The following NICN1 variants were observed in gnomAD, a reference collection of about 807,000 sequenced individuals.
NICN1 encodes nicolin 1, tubulin polyglutamylase complex subunit.
A neutral mutation model predicts 26.3 loss-of-function variants in NICN1; 18 were observed. That is an observed-to-expected ratio of 0.68 (90% CI 0.47 to 1.01). The LOEUF (loss-of-function observed/expected upper bound fraction) is 1.01. Among genes scored for constraint, NICN1 ranks in the 50% least tolerant of loss-of-function variants. The pLI, the probability that NICN1 is intolerant of heterozygous loss-of-function variation, is 0.00. For synonymous variants in NICN1, 109 were observed against 111.0 expected (o/e 0.98, Z 0.11); for missense variants, 239 against 278.3 (o/e 0.86, Z 1.00).
intron 3 of NICN1, 21 bp downstream of exon 3, chr3:49,425,862 G>A: frequency 7.4e-7 from 1 of 1,351,796 alleles, no homozygotes; most frequent in East Asian, 2.3e-5. Flanking sequence ...GGGCCAGCCA[G>A]CAGCTGAGCT....
At position 49,422,622 on chromosome 3, in the gene NICN1, C is replaced by T. The variant is rs892644956; in HGVS notation, c.*2211G>A. 1.6e-5 allele frequency: 12 copies of T among 749,820 alleles called. No homozygotes were observed. Among genetic ancestry groups the T allele is most frequent in the Middle Eastern group, 3.5e-4 (1 of 2,858 alleles). The allele number at this position is 749,820 out of a possible 1,614,324, so 46.4% of individuals were successfully genotyped here. A position where few individuals can be genotyped will look rare whatever the true frequency, so the allele number is the denominator to read the frequency against. On this transcript the variant is annotated 3_prime_UTR_variant, in exon 6 of 6. Transcript: ENST00000273598. The stretch of plus-strand genomic sequence containing the variant: ...GGATTTAGAGCAGAGAATGCAGGAA[C>T]CCGCAACCACAGGGAAGAAGCCTCC...
Position 49,423,846 on chromosome 3 carries a change from C to CT in NICN1, c.*986dup, listed in dbSNP as rs372822007. 3.8e-4 allele frequency: 56 copies of CT among 147,924 alleles called. No homozygotes were observed. The highest frequency in any genetic ancestry group is 5.7e-4 in the Non-Finnish European group (38 of 66,520). The allele number at this position is 147,924 out of a possible 1,614,324, so 9.2% of individuals were successfully genotyped here. A position where few individuals can be genotyped will look rare whatever the true frequency, so the allele number is the denominator to read the frequency against. ...GTCAGATGGCAGAAGGGTCCCAGTT[C>CT]TTTTTTTTTTGTTTGTTTGTTTAAG... On this transcript the variant is annotated 3_prime_UTR_variant, in exon 6 of 6. Transcript: ENST00000273598.
chr3:49,425,890 C>T lies in NICN1; in HGVS notation c.416G>A (p.Gly139Glu), dbSNP rs764316410. The T allele has an allele frequency of 3.8e-6, 6 of 1,576,110 alleles. No homozygotes were observed. Among genetic ancestry groups the T allele is most frequent in the South Asian group, 1.1e-5 (1 of 89,756 alleles). ...GCTGAGCTAGTCACTTACCTTTGGT[C>T]CCTGCTGATAGATCTGCAGCTCCTC... Reference protein sequence around the residue: ...TVEELQIYQQGPKSPSVTFPK... With the variant: ...TVEELQIYQQEPKSPSVTFPK... Residue 139 changes from glycine (G) to glutamate (E), a missense_variant, in exon 3 of 6, where the codon GGA (glycine) becomes GAA (glutamate). Physicochemically the swap from Gly to Glu is moderately conservative, Grantham distance 98. Coordinates refer to ENST00000273598, the MANE Select transcript of NICN1 (RefSeq NM_032316.3).
chr3:49,425,488 G>T, intron 3 of NICN1, 50 bp from the exon 4 acceptor site: 1 of 1,482,220 alleles, frequency 6.7e-7, no homozygotes, highest in Non-Finnish European at 9.2e-7. Flanking sequence ...GGACAGCTCT[G>T]GGACCAGATT....
At chr3:49,425,532 G>A in intron 3 of NICN1, 94 bp from the exon 4 acceptor site, 1 of 1,023,508 alleles carries the variant, frequency 9.8e-7, no homozygotes, top group African/African-American at 1.6e-5. Flanking sequence ...AGGGCCGCTG[G>A]GCCTCAGACA....
chr3:49,425,447 C>G lies in NICN1; in HGVS notation c.424-9G>C, dbSNP rs764559479. ...AAGGTCACGGAGGGGCTCTGCAAAG[C>G]AAAGATGTACTGCCCTGAGTGAGAC... On this transcript the variant is annotated splice_polypyrimidine_tract_variant and intron_variant, in intron 3 of 5. Coordinates refer to ENST00000273598, the MANE Select transcript of NICN1 (RefSeq NM_032316.3). 8 of 1,605,604 alleles carry G rather than the reference C, an allele frequency of 5.0e-6. No homozygotes were observed. The highest frequency in any genetic ancestry group is 4.0e-5 in the African/African-American group (3 of 74,830).
At position 49,423,089 on chromosome 3, in the gene NICN1, G is replaced by T. The variant is rs1006338180; in HGVS notation, c.*1744C>A. 3 of 165,318 alleles carry T rather than the reference G, an allele frequency of 1.8e-5. No individual in the cohort carries two copies. The highest frequency in any genetic ancestry group is 7.2e-5 in the African/African-American group (3 of 41,618). The allele number at this position is 165,318 out of a possible 1,614,324, so 10.2% of individuals were successfully genotyped here. A position where few individuals can be genotyped will look rare whatever the true frequency, so the allele number is the denominator to read the frequency against. ...GGACTACTGCTTCGTCACGCTTTCC[G>T]AAGCAGCTGAGTGGGGCTATGTAAG... On this transcript the variant is annotated 3_prime_UTR_variant, in exon 6 of 6. Coordinates refer to ENST00000273598, the MANE Select transcript of NICN1 (RefSeq NM_032316.3).
intron 1 of NICN1, among the ~76,000 whole-genome samples, chr3:49,427,925 C>T (rs938292326): frequency 1.3e-5 from 2 of 152,070 alleles, no homozygotes; most frequent in African/African-American, 4.8e-5. Context: ...GGGGGAGAAC[C>T]ACACACCACA....
intron 1 of NICN1, among the ~76,000 whole-genome samples, chr3:49,426,927 G>A (rs991559391): frequency 2.0e-5 from 3 of 152,144 alleles, no homozygotes; most frequent in Non-Finnish European, 4.4e-5. Context: ...CTTGCCACAC[G>A]TCCAAGATGC....
At chr3:49,424,913 G>A in intron 5 of NICN1, 36 bp downstream of exon 5, 1 of 1,612,858 alleles carries the variant, frequency 6.2e-7, no homozygotes, top group Non-Finnish European at 8.5e-7. Context: ...TCTGCTCAGG[G>A]CAAAGCAAGC....
At chr3:49,428,607 G>C (rs1418233835) in intron 1 of NICN1, among the ~76,000 whole-genome samples, 1 of 151,726 alleles carries the variant, frequency 6.6e-6, no homozygotes, top group Non-Finnish European at 1.5e-5. Flanking sequence ...TGTAATCCCA[G>C]CTACTTGGGA....
In NICN1 at chr3:49,423,040, C is replaced by T; in HGVS notation, c.*1793G>A. ...AGCATGGTCCCTGCTACCACAAGGT[C>T]CTCTTCACTTACACACACACTGAGG... On this transcript the variant is annotated 3_prime_UTR_variant, in exon 6 of 6. Transcript: ENST00000273598. 4.9e-6 allele frequency: 1 copy of T among 203,988 alleles called. No homozygotes were observed. Among genetic ancestry groups the T allele is most frequent in the Non-Finnish European group, 1.0e-5 (1 of 97,450 alleles). 12.6% of individuals were successfully genotyped at this position (203,988 alleles called of 1,614,324 possible).
At chr3:49,425,081 A>G (rs764791221) in intron 4 of NICN1, 28 bp from the exon 5 acceptor site, 2 of 1,582,830 alleles carry the variant, frequency 1.3e-6, no homozygotes, top group South Asian at 1.1e-5. Flanking sequence ...GTCAGTGGCC[A>G]TGGGTCTCTC....
Position 49,422,347 on chromosome 3 carries a change from A to G in NICN1, c.*2486T>C. The stretch of plus-strand genomic sequence containing the variant: ...CCCTCCCCCACCCTCCAAGATCAGC[A>G]CCCTCTATCCCACCTGTGCGCAACT... On this transcript the variant is annotated 3_prime_UTR_variant, in exon 6 of 6. Coordinates refer to ENST00000273598, the MANE Select transcript of NICN1 (RefSeq NM_032316.3). 6.3e-7 allele frequency: 1 copy of G among 1,584,308 alleles called. No individual in the cohort carries two copies.
chr3:49,424,636 G>A lies in NICN1; in HGVS notation c.*197C>T. ...ATTGAGTTGCAGCCAGGCGAAGACA[G>A]AGCACCCCCATGCCAGGAGCTCATG... On this transcript the variant is annotated 3_prime_UTR_variant, in exon 6 of 6. Coordinates refer to ENST00000273598, the MANE Select transcript of NICN1 (RefSeq NM_032316.3). 1.6e-6 allele frequency: 1 copy of A among 620,954 alleles called. No individual in the cohort carries two copies. Among genetic ancestry groups the A allele is most frequent in the Non-Finnish European group, 2.9e-6 (1 of 347,248 alleles). 38.5% of individuals were successfully genotyped at this position (620,954 alleles called of 1,614,324 possible). A position where few individuals can be genotyped will look rare whatever the true frequency, so the allele number is the denominator to read the frequency against.
At position 49,424,977 on chromosome 3, in the gene NICN1, T is replaced by C. The variant is rs61729946; in HGVS notation, c.572A>G (p.His191Arg). ...WALTEMIRAS[H>R]TSARIGRFDV... ...AAAGCGGCCGATCCTTGCGGAGGTG[T>C]GACTGGCCCGGATCATCTCTGTCAG... Residue 191 changes from histidine (H) to arginine (R), a missense_variant, in exon 5 of 6, where the codon CAC (histidine) becomes CGC (arginine). Transcript: ENST00000273598. The C allele has an allele frequency of 0.012, 19,401 of 1,614,048 alleles. 166 individuals carry two copies. Among genetic ancestry groups the C allele is most frequent in the Non-Finnish European group, 0.014 (16,296 of 1,180,000 alleles).
Position 49,422,440 on chromosome 3 carries a change from GC to G in NICN1, c.*2392del. 1 of 1,613,246 alleles carries G rather than the reference GC, an allele frequency of 6.2e-7. No individual in the cohort carries two copies. The highest frequency in any genetic ancestry group is 8.5e-7 in the Non-Finnish European group (1 of 1,179,970). ...GCCCAGACGGGCCACCACACTTACA[GC>G]CCTCTGCATCGTCGCCTGCAACGAG... On this transcript the variant is annotated 3_prime_UTR_variant, in exon 6 of 6. Coordinates refer to ENST00000273598, the MANE Select transcript of NICN1 (RefSeq NM_032316.3).
At chr3:49,425,313 G>A (rs2049161694) in intron 4 of NICN1, 54 bp downstream of exon 4, 2 of 1,458,272 alleles carry the variant, frequency 1.4e-6, no homozygotes, top group Admixed American at 3.7e-5. Context: ...TACCTGGCCT[G>A]TGTTGGACAC....
chr3:49,425,844 T>G (rs747763191), intron 3 of NICN1, 39 bp downstream of exon 3: 1 of 1,150,072 alleles, frequency 8.7e-7, no homozygotes, highest in Non-Finnish European at 1.3e-6. Context: ...AGAAGCTTTC[T>G]GGGGAAAGGG....
Sources: allele counts gnomAD v4.1 joint callset (sites outside exome capture counted in the v4.1 genomes callset), GRCh38; gene constraint gnomAD v4.1.1; transcripts MANE v1.5; gene names NCBI Gene and HGNC (gene_info 2026-07-23, HGNC 2026-07-21).